BMPR2: variants seen among roughly 807,000 people sequenced by gnomAD.
BMPR2 encodes the protein bone morphogenetic protein receptor type 2.
A neutral mutation model predicts 100.8 loss-of-function variants in BMPR2; 29 were observed. That is an observed-to-expected ratio of 0.29 (90% CI 0.21 to 0.39). The LOEUF is 0.39. Among genes scored for constraint, BMPR2 ranks in the 10% least tolerant of loss-of-function variants. The pLI, the probability that BMPR2 is intolerant of heterozygous loss-of-function variation, is 1.00. For synonymous variants in BMPR2, 382 were observed against 442.3 expected (o/e 0.86, Z 1.71); for missense variants, 1,011 against 1,274.5 (o/e 0.79, Z 3.15).
chr2:202,516,466 G>C (rs1282342849), intron 5 of BMPR2, among the ~76,000 whole-genome samples: 1 of 152,142 alleles, frequency 6.6e-6, no homozygotes, highest in Non-Finnish European at 1.5e-5. Flanking sequence ...TTGAGCCCAG[G>C]AGTTCAAGAC....
chr2:202,428,402 C>G (rs552824777), intron 1 of BMPR2, among the ~76,000 whole-genome samples: 21 of 142,208 alleles, frequency 1.5e-4, no homozygotes, highest in African/African-American at 4.2e-4. Context: ...CTCTTTCTCT[C>G]TCTCTTTTTT....
intron 1 of BMPR2, among the ~76,000 whole-genome samples, chr2:202,444,558 T>C (rs1691813997): frequency 6.6e-6 from 1 of 150,732 alleles, no homozygotes; most frequent in East Asian, 1.9e-4. Context: ...TAGTTAGATG[T>C]GTTCTACATG....
intron 3 of BMPR2, among the ~76,000 whole-genome samples, chr2:202,496,046 A>T (rs547334357): frequency 5.3e-5 from 8 of 152,364 alleles, no homozygotes; most frequent in Admixed American, 3.3e-4. Context: ...TGAATGTAGG[A>T]CAACTCAAAA....
intron 1 of BMPR2, among the ~76,000 whole-genome samples, chr2:202,392,721 G>T (rs1430923280): frequency 2.0e-5 from 3 of 151,612 alleles, no homozygotes; most frequent in African/African-American, 7.3e-5. Flanking sequence ...GGCCGGGCGC[G>T]GTGGCTCACG....
At chr2:202,443,844 T>C (rs751053197) in intron 1 of BMPR2, among the ~76,000 whole-genome samples, 8 of 150,628 alleles carry the variant, frequency 5.3e-5, no homozygotes, top group African/African-American at 1.3e-4. Context: ...CTTTAGCTCA[T>C]TGACATCTTG....
intron 3 of BMPR2, among the ~76,000 whole-genome samples, chr2:202,468,718 T>G (rs1692373737): frequency 6.6e-6 from 1 of 152,296 alleles, no homozygotes; most frequent in South Asian, 2.1e-4. Context: ...GGTACATACA[T>G]GTAATGGAGT....
intron 1 of BMPR2, among the ~76,000 whole-genome samples, chr2:202,456,063 C>CAAAAAAAAAAAAA (rs750470872): frequency 2.7e-5 from 1 of 36,754 alleles, no homozygotes; most frequent in Non-Finnish European, 4.8e-5. Context: ...AGACCCGTCT[C>CAAAAAAAAAAAAA]AAAAAAAAAA....
Position 202,542,423 on chromosome 2 carries a change from A to T in BMPR2, c.1389A>T (p.Pro463=). 6.2e-7 allele frequency: 1 copy of T among 1,614,144 alleles called. No individual in the cohort carries two copies. Among genetic ancestry groups the T allele is most frequent in the South Asian group, 1.1e-5 (1 of 91,084 alleles). The part of the protein sequence containing the change: ...VSREKQRPKF[P]EAWKENSLAV... ...GGGAAAAACAGAGACCCAAGTTCCC[A>T]GAAGCCTGGAAAGAAAATAGCCTGG... Residue 463 remains proline (P), a synonymous_variant, in exon 10 of 13, where the codon CCA becomes CCT. Transcript: ENST00000374580.
intron 1 of BMPR2, among the ~76,000 whole-genome samples, chr2:202,427,470 A>G (rs908119736): frequency 4.4e-4 from 66 of 151,586 alleles, no homozygotes; most frequent in African/African-American, 1.5e-3. Flanking sequence ...GCTTTTGTGG[A>G]CCAAAAATCA....
At chr2:202,405,976 T>C (rs1690883459) in intron 1 of BMPR2, among the ~76,000 whole-genome samples, 1 of 151,766 alleles carries the variant, frequency 6.6e-6, no homozygotes, top group African/African-American at 2.4e-5. Context: ...TGCACTTGCA[T>C]GTGTAGTTTG....
chr2:202,518,442 A>G lies in BMPR2; in HGVS notation c.622-380A>G, dbSNP rs1687757011. Reference sequence around the variant, plus strand: ...CATGAGCCACCACACCCAGCCTAGAATGGTTTTCTTTAGCAATTTTAGTTC... The same window carrying G: ...CATGAGCCACCACACCCAGCCTAGAGTGGTTTTCTTTAGCAATTTTAGTTC... On this transcript the variant is annotated intron_variant, in intron 5 of 12. Coordinates refer to ENST00000374580, the MANE Select transcript of BMPR2 (RefSeq NM_001204.7). Among the ~76,000 whole-genome samples, 4 of 152,132 alleles carry G rather than the reference A, an allele frequency of 2.6e-5. No individual in the cohort carries two copies. The South Asian group carries it at 8.3e-4, about 32-fold the overall frequency.
At chr2:202,460,736 A>C (rs2105956210) in intron 1 of BMPR2, among the ~76,000 whole-genome samples, 1 of 152,274 alleles carries the variant, frequency 6.6e-6, no homozygotes. Context: ...TCATTTCCAA[A>C]AAAAGACATA....
chr2:202,526,255 T>C (rs1473635892), intron 7 of BMPR2, among the ~76,000 whole-genome samples: 1 of 152,188 alleles, frequency 6.6e-6, no homozygotes, highest in Non-Finnish European at 1.5e-5. Flanking sequence ...TTGCTATAAT[T>C]GTGTCTTTGT....
intron 1 of BMPR2, among the ~76,000 whole-genome samples, chr2:202,426,170 C>G (rs981546739): frequency 6.6e-6 from 1 of 152,096 alleles, no homozygotes; most frequent in African/African-American, 2.4e-5. Flanking sequence ...TTTACTTAGG[C>G]CCTGAGTGAT....
At chr2:202,387,733 G>C (rs1337208603) in intron 1 of BMPR2, among the ~76,000 whole-genome samples, 2 of 152,210 alleles carry the variant, frequency 1.3e-5, no homozygotes, top group Non-Finnish European at 2.9e-5. Context: ...AGTTAGATTA[G>C]AAGAGTGATG....
chr2:202,469,342 T>C (rs1056366072), intron 3 of BMPR2, among the ~76,000 whole-genome samples: 24 of 152,088 alleles, frequency 1.6e-4, no homozygotes, highest in Admixed American at 1.5e-3. Flanking sequence ...TGTAGCTTTT[T>C]GTATGTAGTT....
intron 10 of BMPR2, among the ~76,000 whole-genome samples, chr2:202,547,565 T>C (rs990630344): frequency 1.4e-4 from 21 of 151,896 alleles, no homozygotes; most frequent in African/African-American, 5.1e-4. Context: ...TGTGGATTAC[T>C]TGACGTCAGG....
intron 10 of BMPR2, among the ~76,000 whole-genome samples, chr2:202,544,214 G>A (rs1039497208): frequency 3.3e-5 from 5 of 151,920 alleles, no homozygotes; most frequent in Non-Finnish European, 7.4e-5. Context: ...ATCTTTCTTT[G>A]TCTTGTTTTT....
At chr2:202,471,252 C>A (rs950006379) in intron 3 of BMPR2, among the ~76,000 whole-genome samples, 2 of 152,148 alleles carry the variant, frequency 1.3e-5, no homozygotes, top group African/African-American at 2.4e-5. Context: ...CAAGTGCCAA[C>A]TGGTAAATGT....
Sources: allele counts gnomAD v4.1 joint callset (sites outside exome capture counted in the v4.1 genomes callset), GRCh38; gene constraint gnomAD v4.1.1; transcripts MANE v1.5; gene names NCBI Gene and HGNC (gene_info 2026-07-23, HGNC 2026-07-21).